KIRREL3: variants seen among roughly 807,000 people sequenced by gnomAD.
KIRREL3 encodes kirre like nephrin family adhesion molecule 3.
Under a neutral mutation model 89.7 loss-of-function variants are expected in KIRREL3, and 36 were observed. That is an observed-to-expected ratio of 0.40 (90% CI 0.31 to 0.53). The LOEUF (loss-of-function observed/expected upper bound fraction) is 0.53, where lower values mean the gene tolerates loss of function less well. KIRREL3 is among the 20% of genes least tolerant of loss of function. The probability of loss-of-function intolerance (pLI) is 0.49; values close to 1 mark genes in which losing one functional copy is unlikely to be tolerated. For missense variants in KIRREL3, 864 were observed against 1,056.6 expected (o/e 0.82, Z 2.53); for synonymous variants, 445 against 441.4 (o/e 1.01, Z -0.10).
In KIRREL3 at chr11:126,569,227, C is replaced by A. The variant is rs1233623275; in HGVS notation, c.56-6315G>T. On this transcript the variant is annotated intron_variant, in intron 1 of 16. Transcript: ENST00000525144. The surrounding 1 kb of genome is among the most constrained non-coding windows in gnomAD (Gnocchi z 6.5). ...TATTAAGTCACAGGTGATAATGGTA[C>A]ATTTCTGGACTTACTGTGTTCGAGG... Among the ~76,000 whole-genome samples, 1 of 152,164 alleles carries A rather than the reference C, an allele frequency of 6.6e-6. No individual in the cohort carries two copies. The highest frequency in any genetic ancestry group is 1.9e-4 in the East Asian group (1 of 5,190).
At chr11:126,964,796 C>T (rs1949214177) in intron 1 of KIRREL3, among the ~76,000 whole-genome samples, 1 of 152,116 alleles carries the variant, frequency 6.6e-6, no homozygotes, top group African/African-American at 2.4e-5. Flanking sequence ...TTGATGGAGG[C>T]TCAGGAGGTC....
chr11:126,713,186 C>A (rs965399875), intron 1 of KIRREL3, among the ~76,000 whole-genome samples: 2 of 152,168 alleles, frequency 1.3e-5, no homozygotes, highest in Non-Finnish European at 2.9e-5. Flanking sequence ...TCTGAGAAGG[C>A]CATTTAGGGT....
At chr11:126,478,267 C>T (rs1481145873) in intron 4 of KIRREL3, among the ~76,000 whole-genome samples, 1 of 152,242 alleles carries the variant, frequency 6.6e-6, no homozygotes, top group Non-Finnish European at 1.5e-5. Flanking sequence ...CTCCACTACC[C>T]ACCCCTGCAC....
rs910788938 is a variant in KIRREL3 at position 126,628,399 on chromosome 11, T to C, written c.56-65487A>G. Among the ~76,000 whole-genome samples the C allele has an allele frequency of 7.9e-5, 12 of 152,192 alleles. No individual in the cohort carries two copies. Among genetic ancestry groups the C allele is most frequent in the African/African-American group, 2.4e-4 (10 of 41,454 alleles). ...TGACTTCACAGTGACTGAGGAGACA[T>C]ACCTTAGCCCACCCCCACTGGATTT... On this transcript the variant is annotated intron_variant, in intron 1 of 16. Transcript: ENST00000525144. The surrounding 1 kb of genome is among the most constrained non-coding windows in gnomAD (Gnocchi z 5.2).
At chr11:126,840,522 T>C (rs113969220) in intron 1 of KIRREL3, among the ~76,000 whole-genome samples, 2,046 of 152,268 alleles carry the variant, frequency 0.013, 46 homozygotes, top group African/African-American at 0.047. Context: ...CACCTACACA[T>C]ATTAGTCCCC....
chr11:126,847,779 G>C (rs1432856975), intron 1 of KIRREL3, among the ~76,000 whole-genome samples: 11 of 152,208 alleles, frequency 7.2e-5, no homozygotes, highest in Non-Finnish European at 7.3e-5. Flanking sequence ...GTACACTCCT[G>C]TAAACAGAAT....
Position 126,474,951 on chromosome 11 carries a change from G to A in KIRREL3, c.434-1485C>T, listed in dbSNP as rs1957023319. On this transcript the variant is annotated intron_variant, in intron 4 of 16. Transcript: ENST00000525144. The surrounding 1 kb of genome is among the most constrained non-coding windows in gnomAD (Gnocchi z 6.7). ...CTGCTCCCTGGACAAGCCACAGAAG[G>A]GACAGGAGGTGAGGCGACTGTCCTC... Among the ~76,000 whole-genome samples, 1 of 152,144 alleles carries A rather than the reference G, an allele frequency of 6.6e-6. No homozygotes were observed. Among genetic ancestry groups the A allele is most frequent in the East Asian group, 1.9e-4 (1 of 5,176 alleles).
rs905515698 is a variant in KIRREL3, at chr11:126,498,094, C to A, written c.433+23221G>T. Among the ~76,000 whole-genome samples, 3 of 152,200 alleles carry A rather than the reference C, an allele frequency of 2.0e-5. No individual in the cohort carries two copies. The highest frequency in any genetic ancestry group is 4.4e-5 in the Non-Finnish European group (3 of 68,040). Reference sequence around the variant, plus strand: ...AAATGACTTGCCCCAAATCACACAGCCAGTAAGCCTGCTTAGTAGCTCTAC... The same window carrying A: ...AAATGACTTGCCCCAAATCACACAGACAGTAAGCCTGCTTAGTAGCTCTAC... On this transcript the variant is annotated intron_variant, in intron 4 of 16. Transcript: ENST00000525144. The surrounding 1 kb of genome is among the most constrained non-coding windows in gnomAD (Gnocchi z 4.3).
rs1447060452 is a variant in KIRREL3, at chr11:126,550,854, T to G, written c.133+11981A>C. ...AGCAGCGGACACCAGCTGGGTGTCC[T>G]CCAATTCAATTCTGACACTGTCTAC... On this transcript the variant is annotated intron_variant, in intron 2 of 16. Coordinates refer to ENST00000525144, the MANE Select transcript of KIRREL3 (RefSeq NM_032531.4). This position sits in a 1 kb window ranked among gnomAD's most constrained non-coding sequence, Gnocchi z 4.9. Among the ~76,000 whole-genome samples the G allele has an allele frequency of 6.6e-6, 1 of 152,188 alleles. No individual in the cohort carries two copies. The highest frequency in any genetic ancestry group is 1.9e-4 in the East Asian group (1 of 5,146).
chr11:126,732,382 C>A (rs1329051484), intron 1 of KIRREL3, among the ~76,000 whole-genome samples: 1 of 152,150 alleles, frequency 6.6e-6, no homozygotes, highest in Non-Finnish European at 1.5e-5. Context: ...CTCATGAGGA[C>A]CCCTGAGAAA....
At position 126,729,858 on chromosome 11, in the gene KIRREL3, A is replaced by G. The variant is rs903498319; in HGVS notation, c.56-166946T>C. Among the ~76,000 whole-genome samples the G allele has an allele frequency of 1.3e-5, 2 of 152,136 alleles. No homozygotes were observed. The highest frequency in any genetic ancestry group is 1.3e-4 in the Admixed American group (2 of 15,276). Reference sequence around the variant, plus strand: ...CTTTTAACTGTTTCCAAATCCTTCTAGTTCATAGGCTCCTCTGCTCCTAAA... The same window carrying G: ...CTTTTAACTGTTTCCAAATCCTTCTGGTTCATAGGCTCCTCTGCTCCTAAA... On this transcript the variant is annotated intron_variant, in intron 1 of 16. Coordinates refer to ENST00000525144, the MANE Select transcript of KIRREL3 (RefSeq NM_032531.4). The surrounding 1 kb of genome is among the most constrained non-coding windows in gnomAD (Gnocchi z 4.5).
chr11:126,534,581 C>T (rs964055413), intron 2 of KIRREL3, among the ~76,000 whole-genome samples: 6 of 152,162 alleles, frequency 3.9e-5, no homozygotes. Context: ...GGGATGCTTG[C>T]CCCCAGCCTG....
At position 126,562,699 on chromosome 11, in the gene KIRREL3, A is replaced by C. The variant is rs1001633156; in HGVS notation, c.133+136T>G. ...TGTGATTGTACAAATGGCTTCATGG[A>C]AACCAAACTGGTCTTCCCACTGTCC... On this transcript the variant is annotated intron_variant, in intron 2 of 16. Transcript: ENST00000525144. This position sits in a 1 kb window ranked among gnomAD's most constrained non-coding sequence, Gnocchi z 4.7. The C allele has an allele frequency of 6.4e-5, 40 of 626,908 alleles. No individual in the cohort carries two copies. The highest frequency in any genetic ancestry group is 8.8e-5 in the Non-Finnish European group (32 of 363,904). 38.8% of individuals were successfully genotyped at this position (626,908 alleles called of 1,614,324 possible). A position where few individuals can be genotyped will look rare whatever the true frequency, so the allele number is the denominator to read the frequency against.
intron 1 of KIRREL3, among the ~76,000 whole-genome samples, chr11:126,972,204 G>GAGAGAGAGAGAGAGAGAGAGAGAGAT (rs1555110558): frequency 6.8e-6 from 1 of 146,542 alleles, no homozygotes; most frequent in African/African-American, 2.6e-5. Context: ...GAGAGAGAGA[G>GAGAGAGAGAGAGAGAGAGAGAGAGAT]GACTGTGCAT....
At position 126,783,608 on chromosome 11, in the gene KIRREL3, G is replaced by C. The variant is rs1431667648; in HGVS notation, c.55+216847C>G. On this transcript the variant is annotated intron_variant, in intron 1 of 16. Transcript: ENST00000525144. The surrounding 1 kb of genome is among the most constrained non-coding windows in gnomAD (Gnocchi z 4.3). ...GCTTTAGCAACAAAATAGTGTTGGA[G>C]GATAATCCAAAGCAAGTCCATACTG... 6.6e-6 allele frequency among the ~76,000 whole-genome samples: 1 copy of C among 152,132 alleles called. No individual in the cohort carries two copies. The highest frequency in any genetic ancestry group is 1.5e-5 in the Non-Finnish European group (1 of 68,042).
intron 1 of KIRREL3, among the ~76,000 whole-genome samples, chr11:126,803,601 A>T (rs1353616129): frequency 6.6e-6 from 1 of 152,146 alleles, no homozygotes; most frequent in African/African-American, 2.4e-5. Context: ...GTAGAATCAG[A>T]TTGAGATTAG....
rs1017500788 is a variant in KIRREL3, at chr11:126,877,267, A to G, written c.55+123188T>C. ...TCCAGCCAGCCAAGAGCTGCATTAC[A>G]TCTGGAACTGGGCTCAGATAGCAAA... On this transcript the variant is annotated intron_variant, in intron 1 of 16. Transcript: ENST00000525144. The surrounding 1 kb of genome is among the most constrained non-coding windows in gnomAD (Gnocchi z 4.9). Among the ~76,000 whole-genome samples, 2 of 152,248 alleles carry G rather than the reference A, an allele frequency of 1.3e-5. No individual in the cohort carries two copies. The highest frequency in any genetic ancestry group is 2.4e-5 in the African/African-American group (1 of 41,460).
rs562043 is a variant in KIRREL3 at position 126,607,687 on chromosome 11, A to G, written c.56-44775T>C. ...GGACAAAACAAAGCTTCCCTACTGC[A>G]AGAGCTTTATCTGGGTCCCTGCTGC... On this transcript the variant is annotated intron_variant, in intron 1 of 16. Coordinates refer to ENST00000525144, the MANE Select transcript of KIRREL3 (RefSeq NM_032531.4). The surrounding 1 kb of genome is among the most constrained non-coding windows in gnomAD (Gnocchi z 6.6). Among the ~76,000 whole-genome samples, 37,009 of 152,184 alleles carry G rather than the reference A, an allele frequency of 0.24. 4,732 individuals are homozygous for G. Among genetic ancestry groups the G allele is most frequent in the East Asian group, 0.42 (2,158 of 5,164 alleles).
At chr11:126,661,271 T>C (rs1945390354) in intron 1 of KIRREL3, among the ~76,000 whole-genome samples, 1 of 152,090 alleles carries the variant, frequency 6.6e-6, no homozygotes, top group African/African-American at 2.4e-5. Flanking sequence ...TTTCTGTAAG[T>C]ATTGTTTGGT....
Sources: allele counts gnomAD v4.1 joint callset (sites outside exome capture counted in the v4.1 genomes callset), GRCh38; gene constraint gnomAD v4.1.1; non-coding constraint Gnocchi (gnomAD v3.1); transcripts MANE v1.5; gene names NCBI Gene and HGNC (gene_info 2026-07-23, HGNC 2026-07-21).